ERAP1: variants seen among roughly 807,000 people sequenced by gnomAD.
ERAP1 encodes the protein endoplasmic reticulum aminopeptidase 1.
ERAP1 carries 86 observed loss-of-function variants against 103.7 expected under a neutral mutation model. The ratio of observed to expected loss-of-function variants is 0.83; its 90% confidence interval spans 0.70 to 0.99. The LOEUF is 0.99. Ranked by LOEUF, ERAP1 falls within the 50% of genes least tolerant of loss-of-function variation. The probability of loss-of-function intolerance (pLI) is 0.00; values close to 1 mark genes in which losing one functional copy is unlikely to be tolerated. For missense variants in ERAP1, 1,009 were observed against 1,128.4 expected (o/e 0.89, Z 1.52); for synonymous variants, 398 against 402.4 (o/e 0.99, Z 0.13).
At chr5:96,781,489 A>C (rs1287786806) in intron 16 of ERAP1, among the ~76,000 whole-genome samples, 1 of 152,198 alleles carries the variant, frequency 6.6e-6, no homozygotes, top group African/African-American at 2.4e-5. Context: ...TTAAAGATGC[A>C]CAAATGTATA....
the ERAP1 span, chr5:96,814,130 C>A: frequency 2.4e-6 from 1 of 410,938 alleles, no homozygotes; most frequent in Admixed American, 2.6e-5. Context: ...CACCTGAGGC[C>A]CAGCAGAAGG....
At chr5:96,876,393 A>T in the ERAP1 span, 3 of 152,344 alleles carry the variant, frequency 2.0e-5, no homozygotes, top group Non-Finnish European at 2.9e-5. Context: ...CCTAAGCTCC[A>T]TTCACACCTG....
chr5:96,891,180 A>T, the ERAP1 span, among the ~76,000 whole-genome samples: 4 of 152,122 alleles, frequency 2.6e-5, no homozygotes, highest in Non-Finnish European at 5.9e-5. Flanking sequence ...AAGCCAAGTG[A>T]CTTGGTTCAT....
chr5:96,925,938 G>A, the ERAP1 span, among the ~76,000 whole-genome samples: 6 of 123,766 alleles, frequency 4.8e-5, no homozygotes, highest in Non-Finnish European at 8.1e-5. Context: ...TTTTTGAGAC[G>A]GAGTCTCGCT....
chr5:96,875,544 A>T, the ERAP1 span, among the ~76,000 whole-genome samples: 1 of 151,836 alleles, frequency 6.6e-6, no homozygotes, highest in Admixed American at 6.6e-5. Context: ...TCAAAAAAAA[A>T]AAAAAGAAAA....
At chr5:96,816,613 A>C in the ERAP1 span, among the ~76,000 whole-genome samples, 1 of 152,126 alleles carries the variant, frequency 6.6e-6, no homozygotes, top group Non-Finnish European at 1.5e-5. Context: ...GGCACCTCCC[A>C]CCATGGGTTT....
At chr5:96,815,918 G>T in the ERAP1 span, among the ~76,000 whole-genome samples, 1 of 152,188 alleles carries the variant, frequency 6.6e-6, no homozygotes, top group East Asian at 1.9e-4. Flanking sequence ...ATAGACGGAT[G>T]GATGGATAGA....
chr5:96,801,095 T>A, intron 2 of ERAP1, 95 bp from the exon 3 acceptor site: 1 of 1,370,188 alleles, frequency 7.3e-7, no homozygotes, highest in Admixed American at 1.9e-5. Flanking sequence ...TACTATAAGA[T>A]TGATGGATTT....
At chr5:96,906,566 A>C in the ERAP1 span, among the ~76,000 whole-genome samples, 82,456 of 152,072 alleles carry the variant, frequency 0.54, 22,422 homozygotes, top group Admixed American at 0.59. Context: ...CTGCACCCAG[A>C]ATGGAGAGAG....
the ERAP1 span, chr5:96,895,290 G>A: frequency 6.2e-7 from 1 of 1,612,948 alleles, no homozygotes. Flanking sequence ...ATGATATTTG[G>A]CTTAAGGAGG....
intron 19 of ERAP1, among the ~76,000 whole-genome samples, chr5:96,768,156 T>C (rs1020170069): frequency 4.6e-5 from 7 of 152,218 alleles, no homozygotes; most frequent in Non-Finnish European, 1.0e-4. Context: ...TGATCTCAGC[T>C]TACTGCGATC....
chr5:96,769,850 T>C (rs1771608322), downstream of ERAP1: 1 of 149,710 alleles, frequency 6.7e-6, no homozygotes. Flanking sequence ...GTCTGGCTTA[T>C]ATCATCTAGT....
chr5:96,774,731 G>A lies in ERAP1; in HGVS notation c.*1665C>T, dbSNP rs1773739775. ...AAGAAGGGAAATAGTTTAGTTTGGG[G>A]TGGAAATTACCAGTGATTTCTATTT... On this transcript the variant is annotated 3_prime_UTR_variant, in exon 19 of 19. Coordinates refer to ENST00000443439, the MANE Select transcript of ERAP1 (RefSeq NM_001040458.3). 1.0e-6 allele frequency: 1 copy of A among 982,650 alleles called. No homozygotes were observed. Among genetic ancestry groups the A allele is most frequent in the African/African-American group, 1.7e-5 (1 of 57,246 alleles). The allele number at this position is 982,650 out of a possible 1,614,324, so 60.9% of individuals were successfully genotyped here.
At chr5:96,889,325 T>C in the ERAP1 span, 18 of 1,613,524 alleles carry the variant, frequency 1.1e-5, no homozygotes, top group Non-Finnish European at 1.5e-5. Flanking sequence ...AATTCCACAT[T>C]ATTGTCTTCA....
In ERAP1 at chr5:96,775,453, T is replaced by G; in HGVS notation, c.*943A>C. The G allele has an allele frequency of 1.0e-6, 1 of 985,526 alleles. No homozygotes were observed. Among genetic ancestry groups the G allele is most frequent in the South Asian group, 4.7e-5 (1 of 21,288 alleles). The allele number at this position is 985,526 out of a possible 1,614,324, so 61.0% of individuals were successfully genotyped here. Reference sequence around the variant, plus strand: ...AGAGAGAGAAAAAAAATCACCTCCCTAAGAAAAGGGTTTTCCTACAGACTT... The same window carrying G: ...AGAGAGAGAAAAAAAATCACCTCCCGAAGAAAAGGGTTTTCCTACAGACTT... On this transcript the variant is annotated 3_prime_UTR_variant, in exon 19 of 19. Coordinates refer to ENST00000443439, the MANE Select transcript of ERAP1 (RefSeq NM_001040458.3).
At chr5:96,896,802 A>C in the ERAP1 span, 1 of 1,349,718 alleles carries the variant, frequency 7.4e-7, no homozygotes, top group Non-Finnish European at 9.7e-7. Flanking sequence ...ATAATTCAGT[A>C]CTTAAAGAAG....
the ERAP1 span, among the ~76,000 whole-genome samples, chr5:96,866,378 T>C: frequency 6.6e-6 from 1 of 152,216 alleles, no homozygotes; most frequent in Non-Finnish European, 1.5e-5. Context: ...CGTTCTTCAA[T>C]ATTCATATCA....
intron 3 of ERAP1, among the ~76,000 whole-genome samples, chr5:96,799,802 G>A (rs1034722972): frequency 1.3e-5 from 2 of 152,222 alleles, no homozygotes; most frequent in African/African-American, 4.8e-5. Flanking sequence ...ACAAGGGTGG[G>A]AGTGGGGACA....
At chr5:96,932,138 A>G in the ERAP1 span, among the ~76,000 whole-genome samples, 1 of 152,144 alleles carries the variant, frequency 6.6e-6, no homozygotes, top group African/African-American at 2.4e-5. Context: ...TACAACTTCA[A>G]ACATTACTAA....
Sources: allele counts gnomAD v4.1 joint callset (sites outside exome capture counted in the v4.1 genomes callset), GRCh38; gene constraint gnomAD v4.1.1; transcripts MANE v1.5; gene names NCBI Gene and HGNC (gene_info 2026-07-23, HGNC 2026-07-21).